Variants in BNC2 observed in about 807,000 individuals in gnomAD.
BNC2 encodes zinc finger protein basonuclin-2.
BNC2 carries 20 observed loss-of-function variants against 76.3 expected under a neutral mutation model. The ratio of observed to expected loss-of-function variants is 0.26; its 90% CI spans 0.18 to 0.38. The LOEUF (loss-of-function observed/expected upper bound fraction) is 0.38. Among genes scored for constraint, BNC2 ranks in the 10% least tolerant of loss-of-function variants. The probability of loss-of-function intolerance (pLI) is 1.00; values close to 1 mark genes in which losing one functional copy is unlikely to be tolerated. For synonymous variants in BNC2, 582 were observed against 514.8 expected, an observed-to-expected ratio of 1.13 and a Z score of -1.77; for missense variants, 1,382 against 1,399.8, an observed-to-expected ratio of 0.99 and a Z score of 0.20.
intron 3 of BNC2, among the ~76,000 whole-genome samples, chr9:16,649,510 T>A (rs1483487599): frequency 6.6e-6 from 1 of 152,164 alleles, no homozygotes; most frequent in African/African-American, 2.4e-5. Flanking sequence ...GAGCTTACAA[T>A]TAGAGACAGA....
intron 6 of BNC2, among the ~76,000 whole-genome samples, chr9:16,424,232 A>G (rs2119180897): frequency 6.6e-6 from 1 of 152,110 alleles, no homozygotes; most frequent in South Asian, 2.1e-4. Context: ...GAGGTTTTAA[A>G]CTTGGCTTTA....
chr9:16,639,205 T>C (rs1325569656), intron 3 of BNC2, among the ~76,000 whole-genome samples: 2 of 152,176 alleles, frequency 1.3e-5, no homozygotes, highest in Non-Finnish European at 2.9e-5. Flanking sequence ...AGGAGACATT[T>C]TATCAAAACC....
chr9:16,813,747 G>A (rs1818114910), intron 1 of BNC2, among the ~76,000 whole-genome samples: 1 of 152,144 alleles, frequency 6.6e-6, no homozygotes, highest in Non-Finnish European at 1.5e-5. Context: ...TGTAGAAGAG[G>A]AGGTATTCTT....
intron 1 of BNC2, among the ~76,000 whole-genome samples, chr9:16,860,768 C>T (rs1340854576): frequency 6.6e-6 from 1 of 152,310 alleles, no homozygotes; most frequent in African/African-American, 2.4e-5. Context: ...CGGGGCTGGG[C>T]GTGGTGGCTC....
chr9:16,500,766 C>A (rs1230594464), intron 5 of BNC2, among the ~76,000 whole-genome samples: 1 of 152,148 alleles, frequency 6.6e-6, no homozygotes, highest in African/African-American at 2.4e-5. Context: ...CAAAATAGGA[C>A]ACACCCATCA....
At chr9:16,833,932 T>C (rs950916967) in intron 1 of BNC2, among the ~76,000 whole-genome samples, 1 of 152,132 alleles carries the variant, frequency 6.6e-6, no homozygotes, top group Non-Finnish European at 1.5e-5. Context: ...ACACCTCCAA[T>C]GTCCCAAGCA....
At chr9:16,863,946 G>T (rs571408265) in intron 1 of BNC2, among the ~76,000 whole-genome samples, 2 of 152,128 alleles carry the variant, frequency 1.3e-5, no homozygotes, top group South Asian at 4.1e-4. Context: ...ACAAACTTTT[G>T]GGTAAAGAGG....
At position 16,825,868 on chromosome 9, in the gene BNC2, A is replaced by ATT. The variant is rs201352200; in HGVS notation, c.3+44776_3+44777dup. On this transcript the variant is annotated intron_variant, in intron 1 of 6. Transcript: ENST00000380672. ...CAGTCTTTCACCTGAGCATAACTGT[A>ATT]TTTTTTTTTTGCATGTGTCATTTGA... 3.2e-3 allele frequency among the ~76,000 whole-genome samples: 479 copies of ATT among 149,850 alleles called. 5 individuals carry two copies. Among genetic ancestry groups the ATT allele is most frequent in the Admixed American group, 3.9e-3 (59 of 14,994 alleles).
chr9:16,435,840 A>T lies in BNC2; in HGVS notation c.2354T>A (p.Met785Lys). 6.2e-7 allele frequency: 1 copy of T among 1,613,970 alleles called. No homozygotes were observed. Among genetic ancestry groups the T allele is most frequent in the Non-Finnish European group, 8.5e-7 (1 of 1,179,864 alleles). The change falls in exon 6 of 7, where the codon ATG becomes AAG. Residue 785 changes from methionine to lysine, a missense_variant. This residue lies in a region of BNC2 where 798 missense variants were observed against 775.5 expected (regional missense o/e 1.03). Transcript: ENST00000380672. ...CAGTCCATACTGGCTCATGTAAAAC[A>T]TGTCGTAAGTGGGGTCTGTAAATTC... ...KEEFTDPTYD[M>K]FYMSQYGLYN... is the part of the protein sequence containing the mutation.
chr9:16,549,662 G>C (rs1271151590), intron 5 of BNC2, among the ~76,000 whole-genome samples: 2 of 152,084 alleles, frequency 1.3e-5, no homozygotes, highest in South Asian at 4.1e-4. Flanking sequence ...TTAGAAGAAT[G>C]GGTTTACTTT....
chr9:16,776,892 A>G (rs1233027958), intron 1 of BNC2, among the ~76,000 whole-genome samples: 3 of 151,938 alleles, frequency 2.0e-5, no homozygotes, highest in Non-Finnish European at 4.4e-5. Flanking sequence ...TTGGGAGTCC[A>G]AGGTGGGCGG....
intron 1 of BNC2, among the ~76,000 whole-genome samples, chr9:16,800,234 AAAG>A (rs1300023480): frequency 1.3e-5 from 2 of 151,660 alleles, no homozygotes; most frequent in South Asian, 4.2e-4. Context: ...CAAAAAAAAA[AAAG>A]AAAAGAAACT....
intron 1 of BNC2, among the ~76,000 whole-genome samples, chr9:16,821,689 T>C (rs1246738439): frequency 6.6e-6 from 1 of 152,132 alleles, no homozygotes; most frequent in African/African-American, 2.4e-5. Flanking sequence ...GGCTCATGCC[T>C]GTAATCCCAG....
chr9:16,793,690 G>C, intron 1 of BNC2, among the ~76,000 whole-genome samples: 1 of 96,458 alleles, frequency 1.0e-5, no homozygotes, highest in South Asian at 3.6e-4. Flanking sequence ...TTTTGAGAGG[G>C]AGTCTCACTC....
chr9:16,658,959 G>A lies in BNC2; in HGVS notation c.330+68838C>T, dbSNP rs72704081. 7.9e-4 allele frequency among the ~76,000 whole-genome samples: 121 copies of A among 152,264 alleles called. 2 individuals are homozygous for A. The East Asian group carries it at 0.014, about 17-fold the overall frequency. ...AACTAGGATCAGAAAAATACATTAC[G>A]CCGATACACAAACCATTGATCATCG... On this transcript the variant is annotated intron_variant, in intron 3 of 6. Coordinates refer to ENST00000380672, the MANE Select transcript of BNC2 (RefSeq NM_017637.6).
At chr9:16,663,011 T>C (rs1222712410) in intron 3 of BNC2, among the ~76,000 whole-genome samples, 1 of 152,182 alleles carries the variant, frequency 6.6e-6, no homozygotes, top group Non-Finnish European at 1.5e-5. Flanking sequence ...GTTATACCCT[T>C]TCTGATTATC....
chr9:16,657,793 T>A (rs1821973072), intron 3 of BNC2, among the ~76,000 whole-genome samples: 1 of 152,290 alleles, frequency 6.6e-6, no homozygotes, highest in Non-Finnish European at 1.5e-5. Context: ...ATCAATGACA[T>A]TACATCATAT....
At chr9:16,545,441 C>G (rs1259336539) in intron 5 of BNC2, among the ~76,000 whole-genome samples, 1 of 152,088 alleles carries the variant, frequency 6.6e-6, no homozygotes, top group East Asian at 1.9e-4. Context: ...ATTATTATCC[C>G]TGTTTTACAG....
chr9:16,490,318 C>A (rs1341612837), intron 5 of BNC2, among the ~76,000 whole-genome samples: 1 of 152,112 alleles, frequency 6.6e-6, no homozygotes, highest in South Asian at 2.1e-4. Flanking sequence ...CCTGATAAAC[C>A]CATCAGATCT....
Sources: gnomAD v4.1 joint callset for allele counts (sites outside exome capture counted in the v4.1 genomes callset) on GRCh38, gnomAD v4.1.1 for gene constraint, gnomAD v4.1.1 regional missense constraint, MANE v1.5 for transcripts, NCBI Gene and HGNC (gene_info 2026-07-23, HGNC 2026-07-21) for gene names.